PAN3: variants seen among roughly 807,000 people sequenced by gnomAD.
PAN3 encodes the protein PAN2-PAN3 deadenylation complex subunit PAN3.
In PAN3, 19 loss-of-function variants were observed where a neutral mutation model predicts 96.2. That is an observed-to-expected ratio of 0.20 (90% CI 0.14 to 0.29). The LOEUF (loss-of-function observed/expected upper bound fraction) is 0.29, where lower values mean the gene tolerates loss of function less well. Among genes scored for constraint, PAN3 ranks in the 10% least tolerant of loss-of-function variants. The pLI is 1.00. For missense variants in PAN3, 882 were observed against 1,108.1 expected (o/e 0.80, Z 2.90); for synonymous variants, 433 against 406.6 (o/e 1.06, Z -0.78).
At chr13:28,186,347 T>G (rs1443230555) in intron 4 of PAN3, among the ~76,000 whole-genome samples, 1 of 152,190 alleles carries the variant, frequency 6.6e-6, no homozygotes, top group Non-Finnish European at 1.5e-5. Context: ...CCTGACCCTA[T>G]GTTAATTTTG....
chr13:28,258,811 GACATAGTA>G (rs552887864), intron 7 of PAN3, among the ~76,000 whole-genome samples: 272 of 152,230 alleles, frequency 1.8e-3, no homozygotes, highest in African/African-American at 6.2e-3. Context: ...GATATAGAAT[GACATAGTA>G]TTTGCATAGA....
At chr13:28,225,832 T>C (rs546166891) in intron 6 of PAN3, among the ~76,000 whole-genome samples, 3 of 152,338 alleles carry the variant, frequency 2.0e-5, no homozygotes, top group East Asian at 3.9e-4. Flanking sequence ...TATAACTGAT[T>C]TATTTGTAAG....
intron 1 of PAN3, among the ~76,000 whole-genome samples, chr13:28,154,912 C>T (rs1380121097): frequency 7.3e-5 from 11 of 151,012 alleles, no homozygotes; most frequent in Non-Finnish European, 1.2e-4. Flanking sequence ...GCTCCACCTC[C>T]CGGGTTCACG....
chr13:28,213,990 A>G (rs973807100), intron 5 of PAN3, among the ~76,000 whole-genome samples: 20 of 152,276 alleles, frequency 1.3e-4, no homozygotes, highest in African/African-American at 3.8e-4. Flanking sequence ...GATGTAGTAA[A>G]ATAGTACAGC....
In PAN3 at chr13:28,280,448, A is replaced by C. The variant is rs1887377079; in HGVS notation, c.2226A>C (p.Val742=). The C allele has an allele frequency of 6.8e-6, 11 of 1,613,074 alleles. No homozygotes were observed. Among genetic ancestry groups the C allele is most frequent in the Non-Finnish European group, 8.5e-6 (10 of 1,179,208 alleles). ...CTGACCAAAACAGGATGCGAAGTGT[A>C]AATGACATCATGCCCATGATTGGTG... ...LLTDQNRMRS[V]NDIMPMIGAR... Residue 742 remains valine (V), a synonymous_variant, in exon 16 of 19, where the codon GTA becomes GTC. Transcript: ENST00000380958.
chr13:28,179,703 C>T (rs530252472), intron 4 of PAN3, among the ~76,000 whole-genome samples: 1 of 130,092 alleles, frequency 7.7e-6, no homozygotes, highest in South Asian at 2.5e-4. Context: ...GACCCTGTCT[C>T]AGACAAAAAA....
At chr13:28,157,963 G>T (rs1359065357) in intron 1 of PAN3, among the ~76,000 whole-genome samples, 1 of 152,192 alleles carries the variant, frequency 6.6e-6, no homozygotes, top group Non-Finnish European at 1.5e-5. Flanking sequence ...CAAGGCTGTA[G>T]TAATCAAAAC....
chr13:28,257,290 G>A (rs978648700), intron 7 of PAN3, among the ~76,000 whole-genome samples: 1 of 152,084 alleles, frequency 6.6e-6, no homozygotes, highest in Non-Finnish European at 1.5e-5. Context: ...GAATGAATGG[G>A]GAAGGAGAGG....
intron 4 of PAN3, among the ~76,000 whole-genome samples, chr13:28,190,939 C>T (rs551037854): frequency 7.3e-4 from 111 of 152,274 alleles, no homozygotes; most frequent in African/African-American, 2.6e-3. Context: ...AGCTGGTTAT[C>T]AATAGGATGT....
At chr13:28,185,798 C>T (rs1876387056) in intron 4 of PAN3, among the ~76,000 whole-genome samples, 1 of 152,080 alleles carries the variant, frequency 6.6e-6, no homozygotes, top group Non-Finnish European at 1.5e-5. Flanking sequence ...AACCATGGTG[C>T]ATTTATCTCT....
intron 18 of PAN3, among the ~76,000 whole-genome samples, chr13:28,290,569 T>C (rs1425312909): frequency 1.3e-5 from 2 of 152,060 alleles, no homozygotes; most frequent in Non-Finnish European, 1.5e-5. Context: ...TAATCCCAGC[T>C]ACTTCGGAGG....
At chr13:28,196,803 C>T (rs921014831) in intron 4 of PAN3, among the ~76,000 whole-genome samples, 3 of 152,058 alleles carry the variant, frequency 2.0e-5, no homozygotes, top group African/African-American at 7.2e-5. Flanking sequence ...ATTCTGTGTC[C>T]TTGAAACCAT....
chr13:28,207,294 T>C (rs911007066), intron 5 of PAN3, among the ~76,000 whole-genome samples: 3 of 152,228 alleles, frequency 2.0e-5, no homozygotes, highest in Non-Finnish European at 4.4e-5. Context: ...AAATTATTTT[T>C]ACTCTGTTAG....
chr13:28,138,910 A>G lies in PAN3; in HGVS notation c.253A>G (p.Ser85Gly), dbSNP rs988205156. The G allele has an allele frequency of 7.2e-7, 1 of 1,380,228 alleles. No homozygotes were observed. The highest frequency in any genetic ancestry group is 9.3e-7 in the Non-Finnish European group (1 of 1,070,064). The allele number at this position is 1,380,228 out of a possible 1,614,324, so 85.5% of individuals were successfully genotyped here. A position where few individuals can be genotyped will look rare whatever the true frequency, so the allele number is the denominator to read the frequency against. Residue 85 changes from serine (S) to glycine (G), a missense_variant, in exon 1 of 19, where the codon AGC becomes GGC. Physicochemically the swap from Ser to Gly is moderately conservative, Grantham distance 56 (BLOSUM62 0). Around this residue, in one of 3 missense-constraint regions of PAN3, gnomAD observed 442 missense variants for 422.8 expected, o/e 1.05. Transcript: ENST00000380958. Reference sequence around the variant, plus strand: ...CCCGGGCCTCGGCCTCCATAGCAACAGCGTCCCCCTGGCTCTGGCTGGTGC... The same window carrying G: ...CCCGGGCCTCGGCCTCCATAGCAACGGCGTCCCCCTGGCTCTGGCTGGTGC... ...AAPGLGLHSNSVPLALAGAPV... is the reference protein window; with the variant it reads ...AAPGLGLHSNGVPLALAGAPV...
chr13:28,142,730 A>C (rs1019132527), intron 1 of PAN3, among the ~76,000 whole-genome samples: 2 of 152,190 alleles, frequency 1.3e-5, no homozygotes, highest in Admixed American at 6.5e-5. Context: ...GAATCATTTG[A>C]CAACAAAAGA....
At chr13:28,150,258 C>G (rs1360921076) in intron 1 of PAN3, among the ~76,000 whole-genome samples, 1 of 152,152 alleles carries the variant, frequency 6.6e-6, no homozygotes, top group Non-Finnish European at 1.5e-5. Context: ...ACTCCCAAAA[C>G]TTTGGAAAAT....
At chr13:28,259,675 G>A (rs1274713948) in intron 7 of PAN3, among the ~76,000 whole-genome samples, 1 of 150,838 alleles carries the variant, frequency 6.6e-6, no homozygotes, top group African/African-American at 2.4e-5. Context: ...TTTCATTCTT[G>A]TTGCCTAGGC....
At chr13:28,253,598 CTT>C (rs961588017) in intron 6 of PAN3, among the ~76,000 whole-genome samples, 2 of 142,968 alleles carry the variant, frequency 1.4e-5, no homozygotes, top group African/African-American at 2.5e-5. Context: ...CTTTGCTTTC[CTT>C]TTTTTTTTTT....
intron 6 of PAN3, among the ~76,000 whole-genome samples, chr13:28,234,143 C>T (rs1882861142): frequency 6.6e-6 from 1 of 152,154 alleles, no homozygotes; most frequent in Admixed American, 6.5e-5. Context: ...TGGTCTGGTA[C>T]AGTCAGGGAG....
Sources: allele counts gnomAD v4.1 joint callset (sites outside exome capture counted in the v4.1 genomes callset), GRCh38; gene constraint gnomAD v4.1.1; regional missense constraint gnomAD v4.1.1; transcripts MANE v1.5; gene names NCBI Gene and HGNC (gene_info 2026-07-23, HGNC 2026-07-21).